FOXN2: variants seen among roughly 807,000 people sequenced by gnomAD.
FOXN2 encodes forkhead box N2.
In FOXN2, 19 loss-of-function variants were observed where a neutral mutation model predicts 41.2. The observed-to-expected ratio is 0.46, with a 90% CI of 0.32 to 0.68. The LOEUF (loss-of-function observed/expected upper bound fraction) is 0.68. Ranked by LOEUF, FOXN2 falls within the 30% of genes least tolerant of loss-of-function variation. The pLI, the probability that FOXN2 is intolerant of heterozygous loss-of-function variation, is 0.03. For synonymous variants in FOXN2, 195 were observed against 176.8 expected, an observed-to-expected ratio of 1.10 and a Z score of -0.82; for missense variants, 587 against 509.4, an observed-to-expected ratio of 1.15 and a Z score of -1.47.
chr2:48,344,282 C>T (rs143780547), intron 2 of FOXN2, among the ~76,000 whole-genome samples: 69 of 152,192 alleles, frequency 4.5e-4, no homozygotes, highest in African/African-American at 1.6e-3. Flanking sequence ...TTGATCTTTT[C>T]CTTTTTACAG....
chr2:48,364,903 C>G (rs1672435330), intron 5 of FOXN2, among the ~76,000 whole-genome samples: 2 of 152,304 alleles, frequency 1.3e-5, no homozygotes, highest in African/African-American at 4.8e-5. Flanking sequence ...AGTTTGTCAT[C>G]CCTCAAATTA....
At position 48,346,411 on chromosome 2, in the gene FOXN2, C is replaced by G; in HGVS notation, c.197C>G (p.Thr66Ser). ...AACTTGAACTGGCTTCATGAAAGCA[C>G]TAATCTTCTAACAAACTTCAGCCTC... ...LTNLNWLHES[T>S]NLLTNFSLGS... Residue 66 changes from threonine to serine, a missense_variant, in exon 3 of 7, where the codon ACT (threonine) becomes AGT (serine). Physicochemically the swap from Thr to Ser is moderately conservative, Grantham distance 58. Transcript: ENST00000340553. 6.2e-7 allele frequency: 1 copy of G among 1,614,208 alleles called. No homozygotes were observed.
At chr2:48,356,611 C>A (rs1202590308) in intron 3 of FOXN2, among the ~76,000 whole-genome samples, 2 of 152,144 alleles carry the variant, frequency 1.3e-5, no homozygotes, top group African/African-American at 4.8e-5. Context: ...GTTCTAAAAG[C>A]CACTGAAAAT....
At chr2:48,321,504 C>T (rs1311520619) in intron 1 of FOXN2, among the ~76,000 whole-genome samples, 1 of 152,070 alleles carries the variant, frequency 6.6e-6, no homozygotes, top group South Asian at 2.1e-4. Flanking sequence ...CCACTGCACT[C>T]CAGCCTGGGC....
rs750397573 is a variant in FOXN2 at position 48,346,386 on chromosome 2, A to G, written c.172A>G (p.Asn58Asp). The change falls in exon 3 of 7, where the codon AAC (asparagine) becomes GAC (aspartate). Residue 58 changes from asparagine (N) to aspartate (D), a missense_variant. Coordinates refer to ENST00000340553, the MANE Select transcript of FOXN2 (RefSeq NM_002158.4). ...TGAGTCAGCAGATGATGAACTCACA[A>G]ACTTGAACTGGCTTCATGAAAGCAC... Reference protein sequence around the residue: ...DSESADDELTNLNWLHESTNL... With the variant: ...DSESADDELTDLNWLHESTNL... 3 of 1,614,104 alleles carry G rather than the reference A, an allele frequency of 1.9e-6. No homozygotes were observed. The highest frequency in any genetic ancestry group is 2.7e-5 in the African/African-American group (2 of 74,940).
Position 48,346,458 on chromosome 2 carries a change from G to A in FOXN2, c.244G>A (p.Val82Ile). 2 of 1,613,934 alleles carry A rather than the reference G, an allele frequency of 1.2e-6. No individual in the cohort carries two copies. The highest frequency in any genetic ancestry group is 1.1e-5 in the South Asian group (1 of 91,066). ...CCTCGGAAGTGAGGGTCTTCCAATT[G>A]TTAGTCCATTGTATGACATAGAGGG... ...FSLGSEGLPI[V>I]SPLYDIEGDD... The change falls in exon 3 of 7, where the codon GTT becomes ATT. Residue 82 changes from valine to isoleucine, a missense_variant. Physicochemically the swap from Val to Ile is conservative, Grantham distance 29. Coordinates refer to ENST00000340553, the MANE Select transcript of FOXN2 (RefSeq NM_002158.4).
Position 48,369,395 on chromosome 2 carries a change from G to A in FOXN2, c.704-3897G>A, listed in dbSNP as rs114496173. On this transcript the variant is annotated intron_variant, in intron 5 of 6. Coordinates refer to ENST00000340553, the MANE Select transcript of FOXN2 (RefSeq NM_002158.4). ...TCTACTAAAAATACAAAAATTAGCT[G>A]ACTGTGGTTGCGAGTGCCTGTAATC... is the stretch of plus-strand genomic sequence containing the variant. 6.6e-3 allele frequency among the ~76,000 whole-genome samples: 1,007 copies of A among 152,200 alleles called. 14 individuals are homozygous for A. The highest frequency in any genetic ancestry group is 0.023 in the African/African-American group (945 of 41,536).
chr2:48,355,524 A>G (rs1340835519), intron 3 of FOXN2, among the ~76,000 whole-genome samples: 1 of 152,218 alleles, frequency 6.6e-6, no homozygotes, highest in African/African-American at 2.4e-5. Context: ...AGAAAGAGAT[A>G]CATTCAAGTA....
chr2:48,328,075 A>G (rs1324713172), intron 1 of FOXN2, among the ~76,000 whole-genome samples: 1 of 152,234 alleles, frequency 6.6e-6, no homozygotes. Context: ...GCTATAGGTG[A>G]TATACTGCAT....
chr2:48,326,601 T>C (rs1412317860), intron 1 of FOXN2, among the ~76,000 whole-genome samples: 3 of 152,168 alleles, frequency 2.0e-5, no homozygotes, highest in Non-Finnish European at 2.9e-5. Context: ...GTATACTGGT[T>C]GAGCATCACT....
At position 48,377,099 on chromosome 2, in the gene FOXN2, T is replaced by A. The variant is rs1242888878; in HGVS notation, c.*1656T>A. The stretch of plus-strand genomic sequence containing the variant: ...CAGTATTAATGTTCTCTGTTCTGTT[T>A]CCATGTTAAATTTAATTTAACCTGG... On this transcript the variant is annotated 3_prime_UTR_variant, in exon 7 of 7. Transcript: ENST00000340553. 6.6e-6 allele frequency: 1 copy of A among 152,170 alleles called. No individual in the cohort carries two copies. The highest frequency in any genetic ancestry group is 1.9e-4 in the East Asian group (1 of 5,192). The allele number at this position is 152,170 out of a possible 1,614,324, so 9.4% of individuals were successfully genotyped here.
chr2:48,318,832 AAC>A (rs1219826309), intron 1 of FOXN2, among the ~76,000 whole-genome samples: 4 of 152,230 alleles, frequency 2.6e-5, no homozygotes, highest in Non-Finnish European at 5.9e-5. Context: ...TGATTTCGTT[AAC>A]AGTTTATAAA....
intron 2 of FOXN2, among the ~76,000 whole-genome samples, chr2:48,331,229 C>G (rs1670000896): frequency 1.3e-5 from 2 of 152,098 alleles, no homozygotes; most frequent in Admixed American, 6.5e-5. Context: ...AGTCTTTTCT[C>G]AGTGCTATAT....
intron 2 of FOXN2, 102 bp from the exon 3 acceptor site, chr2:48,346,099 T>C: frequency 2.0e-6 from 2 of 985,824 alleles, no homozygotes; most frequent in Non-Finnish European, 3.0e-6. Flanking sequence ...GACAATTGAT[T>C]GCAAAATTTC....
At chr2:48,369,048 A>G (rs1398845454) in intron 5 of FOXN2, among the ~76,000 whole-genome samples, 3 of 152,242 alleles carry the variant, frequency 2.0e-5, no homozygotes, top group African/African-American at 7.2e-5. Context: ...GTTATCTACC[A>G]TAAATAAATC....
chr2:48,326,065 G>C (rs1354945568), intron 1 of FOXN2, among the ~76,000 whole-genome samples: 2 of 152,058 alleles, frequency 1.3e-5, no homozygotes, highest in African/African-American at 4.8e-5. Context: ...GGCCAGGCCA[G>C]TCTCAAACTT....
intron 5 of FOXN2, among the ~76,000 whole-genome samples, chr2:48,366,320 C>G (rs929392171): frequency 1.3e-5 from 2 of 148,934 alleles, no homozygotes; most frequent in African/African-American, 5.0e-5. Context: ...GATCGCGCCA[C>G]TGCACTCCAG....
intron 5 of FOXN2, among the ~76,000 whole-genome samples, chr2:48,367,809 A>G (rs1346346600): frequency 1.3e-5 from 2 of 152,200 alleles, no homozygotes; most frequent in Admixed American, 6.5e-5. Flanking sequence ...ATAAAAACCA[A>G]CAGGCACAAA....
At chr2:48,330,640 G>A (rs1669966922) in intron 2 of FOXN2, among the ~76,000 whole-genome samples, 2 of 151,930 alleles carry the variant, frequency 1.3e-5, no homozygotes, top group Admixed American at 1.3e-4. Context: ...TGACATTTGT[G>A]AAATTGCTTG....
Sources: gnomAD v4.1 joint callset for allele counts (sites outside exome capture counted in the v4.1 genomes callset) on GRCh38, gnomAD v4.1.1 for gene constraint, MANE v1.5 for transcripts, NCBI Gene and HGNC (gene_info 2026-07-23, HGNC 2026-07-21) for gene names.